MBOAT2: variants seen among roughly 807,000 people sequenced by gnomAD.
The protein encoded by MBOAT2 is membrane bound glycerophospholipid O-acyltransferase 2.
A neutral mutation model predicts 63.4 loss-of-function variants in MBOAT2; 28 were observed. The observed-to-expected ratio is 0.44, with a 90% CI of 0.33 to 0.61. MBOAT2 has a LOEUF of 0.61. MBOAT2 is among the 20% of genes least tolerant of loss of function. The pLI, the probability that MBOAT2 is intolerant of heterozygous loss-of-function variation, is 0.03. For missense variants in MBOAT2, 470 were observed against 605.8 expected, an observed-to-expected ratio of 0.78 and a Z score of 2.35; for synonymous variants, 211 against 215.6, an observed-to-expected ratio of 0.98 and a Z score of 0.19.
At chr2:8,929,483 C>A (rs1472004754) in intron 3 of MBOAT2, among the ~76,000 whole-genome samples, 1 of 152,234 alleles carries the variant, frequency 6.6e-6, no homozygotes, top group African/African-American at 2.4e-5. Context: ...CCCCAAGTAG[C>A]TGGGACTGCA....
chr2:8,987,406 A>G (rs1671646069), intron 1 of MBOAT2, among the ~76,000 whole-genome samples: 1 of 152,228 alleles, frequency 6.6e-6, no homozygotes, highest in Non-Finnish European at 1.5e-5. Flanking sequence ...AAATTGGTCA[A>G]ACTGCACAAT....
chr2:8,975,502 T>C (rs550609386), intron 1 of MBOAT2, among the ~76,000 whole-genome samples: 1 of 152,194 alleles, frequency 6.6e-6, no homozygotes, highest in African/African-American at 2.4e-5. Flanking sequence ...AAAATGGGGA[T>C]GAGCACGTGG....
At chr2:8,866,154 TA>T (rs1242980453) in intron 9 of MBOAT2, among the ~76,000 whole-genome samples, 1 of 152,170 alleles carries the variant, frequency 6.6e-6, no homozygotes, top group Non-Finnish European at 1.5e-5. Flanking sequence ...TCAGAAAAAT[TA>T]ACTCCTTTCT....
intron 4 of MBOAT2, among the ~76,000 whole-genome samples, chr2:8,898,199 G>C (rs1356066030): frequency 1.3e-5 from 2 of 152,170 alleles, no homozygotes; most frequent in Non-Finnish European, 2.9e-5. Flanking sequence ...TAAAGCTGGA[G>C]CTTGTACTAG....
chr2:8,867,188 T>C (rs1377062824), intron 9 of MBOAT2, among the ~76,000 whole-genome samples: 2 of 152,186 alleles, frequency 1.3e-5, no homozygotes. Context: ...AGCTAGTTTT[T>C]GTATTTTTTG....
chr2:8,993,866 T>C (rs1672085108), intron 1 of MBOAT2, among the ~76,000 whole-genome samples: 1 of 152,138 alleles, frequency 6.6e-6, no homozygotes, highest in African/African-American at 2.4e-5. Context: ...AAGTAAAGCC[T>C]TAAACAGCAT....
chr2:8,895,346 G>A lies in MBOAT2; in HGVS notation c.396-7273C>T, dbSNP rs577110094. ...CGTTTTACAGAGTGCTGATTGGTCC[G>A]TTTTACAGAGTGCTGATTGGTCCGT... is the stretch of plus-strand genomic sequence containing the variant. On this transcript the variant is annotated intron_variant, in intron 4 of 12. Coordinates refer to ENST00000305997, the MANE Select transcript of MBOAT2 (RefSeq NM_138799.4). Among the ~76,000 whole-genome samples the A allele has an allele frequency of 4.6e-5, 7 of 152,080 alleles. No individual in the cohort carries two copies. The East Asian group carries it at 1.2e-3, about 25-fold the overall frequency.
At chr2:8,886,943 T>C (rs892814666) in intron 5 of MBOAT2, among the ~76,000 whole-genome samples, 1 of 152,220 alleles carries the variant, frequency 6.6e-6, no homozygotes, top group Non-Finnish European at 1.5e-5. Flanking sequence ...CGAGTGAGTT[T>C]CACCCACTTC....
At chr2:8,993,945 G>A (rs919461766) in intron 1 of MBOAT2, among the ~76,000 whole-genome samples, 5 of 152,194 alleles carry the variant, frequency 3.3e-5, no homozygotes, top group Admixed American at 6.5e-5. Flanking sequence ...TTCTGACTCC[G>A]TGTGCATTGT....
intron 1 of MBOAT2, among the ~76,000 whole-genome samples, chr2:8,981,777 T>C (rs1255466097): frequency 6.6e-6 from 1 of 152,208 alleles, no homozygotes; most frequent in African/African-American, 2.4e-5. Flanking sequence ...CTAGCTGAAG[T>C]GGGTTTCTGT....
intron 3 of MBOAT2, among the ~76,000 whole-genome samples, chr2:8,937,824 C>T (rs977194220): frequency 6.6e-6 from 1 of 152,196 alleles, no homozygotes; most frequent in East Asian, 1.9e-4. Flanking sequence ...GCGCCAGGCA[C>T]TCTGCTAGGC....
At chr2:8,901,506 A>C (rs532203906) in intron 4 of MBOAT2, among the ~76,000 whole-genome samples, 1 of 152,118 alleles carries the variant, frequency 6.6e-6, no homozygotes, top group Non-Finnish European at 1.5e-5. Context: ...CCCATGTACT[A>C]TAAAGATGTT....
intron 2 of MBOAT2, among the ~76,000 whole-genome samples, chr2:8,949,830 T>G (rs917093242): frequency 3.3e-5 from 5 of 152,216 alleles, no homozygotes; most frequent in Admixed American, 1.3e-4. Context: ...GGCTCTTTTT[T>G]GGTTCCATAT....
intron 1 of MBOAT2, among the ~76,000 whole-genome samples, chr2:9,002,042 G>C (rs190321227): frequency 1.4e-4 from 21 of 152,256 alleles, no homozygotes; most frequent in African/African-American, 5.1e-4. Flanking sequence ...TATGCTAAAA[G>C]GTCATACACT....
At chr2:8,872,170 G>A (rs1199100749) in intron 8 of MBOAT2, among the ~76,000 whole-genome samples, 1 of 152,168 alleles carries the variant, frequency 6.6e-6, no homozygotes, top group Non-Finnish European at 1.5e-5. Context: ...CATCTGCCAC[G>A]CAAAGCGAGG....
At chr2:8,947,226 T>C (rs900587556) in intron 2 of MBOAT2, among the ~76,000 whole-genome samples, 6 of 152,216 alleles carry the variant, frequency 3.9e-5, no homozygotes, top group Non-Finnish European at 1.5e-5. Context: ...CCTAACTCTC[T>C]TCAATTCTAG....
At chr2:8,887,948 C>A (rs1424188939) in intron 5 of MBOAT2, 70 bp downstream of exon 5, 2 of 1,375,886 alleles carry the variant, frequency 1.5e-6, no homozygotes, top group Non-Finnish European at 2.1e-6. Context: ...AAAGTTATGG[C>A]AATATCTCAA....
At chr2:8,987,016 C>A (rs75371357) in intron 1 of MBOAT2, among the ~76,000 whole-genome samples, 4,201 of 152,192 alleles carry the variant, frequency 0.028, 204 homozygotes, top group African/African-American at 0.095. Context: ...TAATACAGAC[C>A]TTAACCTTAA....
At chr2:8,962,577 A>G (rs1273577032) in intron 1 of MBOAT2, among the ~76,000 whole-genome samples, 1 of 152,196 alleles carries the variant, frequency 6.6e-6, no homozygotes, top group Admixed American at 6.5e-5. Context: ...CTGCCAGTCC[A>G]TGAGTGGGCA....
Sources: allele counts gnomAD v4.1 joint callset (sites outside exome capture counted in the v4.1 genomes callset), GRCh38; gene constraint gnomAD v4.1.1; transcripts MANE v1.5; gene names NCBI Gene and HGNC (gene_info 2026-07-23, HGNC 2026-07-21).